ME1: variants seen among roughly 807,000 people sequenced by gnomAD.
ME1 encodes the protein NADP-dependent malic enzyme.
Under a neutral mutation model 66.4 loss-of-function variants are expected in ME1, and 74 were observed. The ratio of observed to expected loss-of-function variants is 1.11; its 90% CI spans 0.92 to 1.35. The LOEUF is 1.35. Ranked by LOEUF, ME1 falls within the 40% of genes most tolerant of loss-of-function variation. The pLI is 0.00. For missense variants in ME1, 750 were observed against 694.1 expected, an observed-to-expected ratio of 1.08 and a Z score of -0.90; for synonymous variants, 251 against 235.6, an observed-to-expected ratio of 1.07 and a Z score of -0.60.
intron 3 of ME1, 104 bp from the exon 4 acceptor site, chr6:83,352,243 C>CTCAATTTTTA: frequency 1.6e-6 from 1 of 628,194 alleles, no homozygotes; most frequent in Non-Finnish European, 2.5e-6. Flanking sequence ...TTTAATTTAT[C>CTCAATTTTTA]TCAATTTTTA....
At chr6:83,393,070 A>C in intron 3 of ME1, 4 of 1,445,766 alleles carry the variant, frequency 2.8e-6, no homozygotes, top group Non-Finnish European at 3.8e-6. Context: ...GTCATCCCTG[A>C]GCTAAACGGG....
At chr6:83,271,714 G>A (rs1241825420) in intron 6 of ME1, among the ~76,000 whole-genome samples, 1 of 152,018 alleles carries the variant, frequency 6.6e-6, no homozygotes, top group African/African-American at 2.4e-5. Context: ...AATCTTGGTG[G>A]CAAATCAAAA....
chr6:83,242,776 C>T (rs1418989069), intron 7 of ME1, among the ~76,000 whole-genome samples: 1 of 152,098 alleles, frequency 6.6e-6, no homozygotes, highest in African/African-American at 2.4e-5. Flanking sequence ...TAGAAGCTGA[C>T]AGGCTTCTAA....
At position 83,227,530 on chromosome 6, in the gene ME1, C is replaced by T. The variant is rs536746906; in HGVS notation, c.1133-53G>A. On this transcript the variant is annotated intron_variant, in intron 10 of 13. Coordinates refer to ENST00000369705, the MANE Select transcript of ME1 (RefSeq NM_002395.6). ...TAACACTATCATTGGTTAATTCACACAAGAAGACCATGCCTCAAATCAATG... is the reference window on the plus strand; with the variant it reads ...TAACACTATCATTGGTTAATTCACATAAGAAGACCATGCCTCAAATCAATG... 4.9e-6 allele frequency: 7 copies of T among 1,418,882 alleles called. No homozygotes were observed. The African/African-American group carries it at 1.0e-4, about 20-fold the overall frequency. The allele number at this position is 1,418,882 out of a possible 1,614,324, so 87.9% of individuals were successfully genotyped here.
In ME1 at chr6:83,349,001, AC is replaced by A. The variant is rs68070640; in HGVS notation, c.439-2668del. 3.2e-3 allele frequency among the ~76,000 whole-genome samples: 457 copies of A among 140,774 alleles called. 30 individuals carry two copies. The highest frequency in any genetic ancestry group is 8.7e-3 in the African/African-American group (308 of 35,320). 92.4% of individuals were successfully genotyped at this position (140,774 alleles called of 152,430 possible). A position where few individuals can be genotyped will look rare whatever the true frequency, so the allele number is the denominator to read the frequency against. ...CTCTGTCTCAAAAAAAAAAAAAAAA[AC>A]AAAAAACAAAAAACAGTGCATTCTT... On this transcript the variant is annotated intron_variant, in intron 4 of 13. Coordinates refer to ENST00000369705, the MANE Select transcript of ME1 (RefSeq NM_002395.6).
At chr6:83,319,943 C>T (rs1768121066) in intron 5 of ME1, among the ~76,000 whole-genome samples, 2 of 152,152 alleles carry the variant, frequency 1.3e-5, no homozygotes, top group Admixed American at 1.3e-4. Flanking sequence ...ATGAGTTCCA[C>T]CAAGGAGCAA....
chr6:83,307,504 C>T (rs1767848601), intron 6 of ME1, among the ~76,000 whole-genome samples: 1 of 152,050 alleles, frequency 6.6e-6, no homozygotes, highest in African/African-American at 2.4e-5. Context: ...CATATGCTTT[C>T]ATTAAATTTC....
chr6:83,296,354 G>A (rs1191523081), intron 6 of ME1, among the ~76,000 whole-genome samples: 1 of 152,192 alleles, frequency 6.6e-6, no homozygotes, highest in African/African-American at 2.4e-5. Flanking sequence ...GTGATGCAAA[G>A]TTGGTTCAAC....
At chr6:83,410,982 AC>A (rs891130791) in intron 1 of ME1, among the ~76,000 whole-genome samples, 4 of 152,178 alleles carry the variant, frequency 2.6e-5, no homozygotes, top group Admixed American at 2.0e-4. Flanking sequence ...TCCAAAACAC[AC>A]TAAAGTGCCA....
At chr6:83,419,417 T>C (rs1163492814) in intron 1 of ME1, among the ~76,000 whole-genome samples, 1 of 152,222 alleles carries the variant, frequency 6.6e-6, no homozygotes, top group Non-Finnish European at 1.5e-5. Flanking sequence ...TGAAACATTT[T>C]TCTTTATAAC....
intron 5 of ME1, among the ~76,000 whole-genome samples, 160 bp from the exon 6 acceptor site, chr6:83,315,573 A>C (rs1441658764): frequency 6.6e-6 from 1 of 152,254 alleles, no homozygotes; most frequent in Non-Finnish European, 1.5e-5. Flanking sequence ...GTTACATAGA[A>C]TATACCTGTA....
chr6:83,430,182 A>AAAAC (rs1562012441), intron 1 of ME1, among the ~76,000 whole-genome samples: 2 of 151,948 alleles, frequency 1.3e-5, no homozygotes, highest in African/African-American at 4.9e-5. Context: ...AAGCCAAATT[A>AAAAC]AAAACAAAAC....
intron 6 of ME1, among the ~76,000 whole-genome samples, chr6:83,298,956 T>TG (rs1767659380): frequency 1.5e-5 from 2 of 129,488 alleles, no homozygotes; most frequent in African/African-American, 6.0e-5. Context: ...TTTTTTTTTT[T>TG]TTTTTTTTTT....
chr6:83,313,259 T>C (rs1335486401), intron 6 of ME1, among the ~76,000 whole-genome samples: 1 of 152,196 alleles, frequency 6.6e-6, no homozygotes, highest in Non-Finnish European at 1.5e-5. Context: ...CAGAAAGTAT[T>C]TTTTTAGTCT....
intron 7 of ME1, among the ~76,000 whole-genome samples, chr6:83,243,782 ATAAT>A (rs1456737697): frequency 7.4e-6 from 1 of 134,708 alleles, no homozygotes; most frequent in African/African-American, 2.8e-5. Context: ...ATATTTATAT[ATAAT>A]TATCTTATAT....
At chr6:83,255,079 A>G (rs538417774) in intron 6 of ME1, among the ~76,000 whole-genome samples, 1 of 152,162 alleles carries the variant, frequency 6.6e-6, no homozygotes, top group Admixed American at 6.6e-5. Context: ...GTTAATTTAT[A>G]TATAATTACA....
At chr6:83,374,213 C>G (rs1769244610) in intron 3 of ME1, among the ~76,000 whole-genome samples, 1 of 152,174 alleles carries the variant, frequency 6.6e-6, no homozygotes, top group African/African-American at 2.4e-5. Flanking sequence ...TTTACATTCC[C>G]ACGAACAATG....
Position 83,379,758 on chromosome 6 carries a change from C to T in ME1, c.362+18609G>A, listed in dbSNP as rs144931506. Among the ~76,000 whole-genome samples the T allele has an allele frequency of 5.8e-3, 881 of 152,040 alleles. 8 individuals carry two copies. The highest frequency in any genetic ancestry group is 0.02 in the African/African-American group (834 of 41,506). ...ATGTTCCAATGATAATTTCTGTAAT[C>T]ACGTTTCAAACTAAGTTTCAATACG... is the stretch of plus-strand genomic sequence containing the variant. On this transcript the variant is annotated intron_variant, in intron 3 of 13. Coordinates refer to ENST00000369705, the MANE Select transcript of ME1 (RefSeq NM_002395.6).
At chr6:83,265,012 G>A (rs1173698884) in intron 6 of ME1, among the ~76,000 whole-genome samples, 1 of 152,128 alleles carries the variant, frequency 6.6e-6, no homozygotes, top group Non-Finnish European at 1.5e-5. Context: ...TCTCATGAAA[G>A]GAAGAGTCAA....
Sources: gnomAD v4.1 joint callset for allele counts (sites outside exome capture counted in the v4.1 genomes callset) on GRCh38, gnomAD v4.1.1 for gene constraint, MANE v1.5 for transcripts, NCBI Gene and HGNC (gene_info 2026-07-23, HGNC 2026-07-21) for gene names.